Variants in NUFIP1 observed in about 807,000 individuals in gnomAD.
NUFIP1 encodes the protein FMR1-interacting protein NUFIP1.
In NUFIP1, 38 loss-of-function variants were observed where a neutral mutation model predicts 56.2. The ratio of observed to expected loss-of-function variants is 0.68; its 90% CI spans 0.52 to 0.89. The LOEUF (loss-of-function observed/expected upper bound fraction) is 0.89. NUFIP1 is among the 40% of genes least tolerant of loss of function. The pLI, the probability that NUFIP1 is intolerant of heterozygous loss-of-function variation, is 0.00. For synonymous variants in NUFIP1, 215 were observed against 212.4 expected (o/e 1.01, Z -0.10); for missense variants, 567 against 605.8 (o/e 0.94, Z 0.67).
chr13:44,948,600 A>G (rs1340923611), intron 8 of NUFIP1, among the ~76,000 whole-genome samples: 1 of 152,202 alleles, frequency 6.6e-6, no homozygotes, highest in Non-Finnish European at 1.5e-5. Context: ...ATGACCACAC[A>G]GAGCCAGGTG....
intron 8 of NUFIP1, among the ~76,000 whole-genome samples, chr13:44,944,718 G>A (rs552819139): frequency 6.6e-6 from 1 of 152,160 alleles, no homozygotes; most frequent in Middle Eastern, 3.4e-3. Flanking sequence ...TTCTCTGACT[G>A]TAGCAGAATT....
At chr13:44,986,334 G>A (rs1872390237) in intron 1 of NUFIP1, among the ~76,000 whole-genome samples, 1 of 152,270 alleles carries the variant, frequency 6.6e-6, no homozygotes, top group African/African-American at 2.4e-5. Context: ...CGATTTTGAG[G>A]AATTCAAGAC....
At chr13:44,983,972 G>T (rs1269962258) in intron 1 of NUFIP1, among the ~76,000 whole-genome samples, 4 of 152,066 alleles carry the variant, frequency 2.6e-5, no homozygotes, top group Admixed American at 2.0e-4. Flanking sequence ...TACCCAACAG[G>T]TCATACTCTG....
rs1323011619 is a variant in NUFIP1, at chr13:44,939,451, A to C, written c.*1755T>G. On this transcript the variant is annotated 3_prime_UTR_variant, in exon 10 of 10. Coordinates refer to ENST00000379161, the MANE Select transcript of NUFIP1 (RefSeq NM_012345.3). ...TAAACGAACAATAAGATAGGAATGT[A>C]GAAGGCAGAAAGTTTGAACAATTAA... 2.0e-5 allele frequency: 3 copies of C among 152,232 alleles called. No individual in the cohort carries two copies. Among genetic ancestry groups the C allele is most frequent in the Non-Finnish European group, 2.9e-5 (2 of 68,028 alleles). The allele number at this position is 152,232 out of a possible 1,614,324, so 9.4% of individuals were successfully genotyped here.
At chr13:44,951,208 G>A (rs1871075038) in intron 7 of NUFIP1, among the ~76,000 whole-genome samples, 2 of 152,192 alleles carry the variant, frequency 1.3e-5, no homozygotes, top group South Asian at 4.1e-4. Flanking sequence ...CCACCACAGT[G>A]TTAGTATGGA....
chr13:44,976,804 G>C (rs1303729791), intron 5 of NUFIP1, among the ~76,000 whole-genome samples: 1 of 152,188 alleles, frequency 6.6e-6, no homozygotes. Context: ...GCCCAAGGCA[G>C]CAGAGGGGCA....
intron 1 of NUFIP1, among the ~76,000 whole-genome samples, 180 bp from the exon 2 acceptor site, chr13:44,982,334 T>C (rs923466389): frequency 1.3e-5 from 2 of 152,172 alleles, no homozygotes; most frequent in Admixed American, 1.3e-4. Flanking sequence ...CAAATGACTA[T>C]TTTTCAAACA....
rs1050202703 is a variant in NUFIP1, at chr13:44,949,918, G to C, written c.1022-80C>G. 27 of 873,894 alleles carry C rather than the reference G, an allele frequency of 3.1e-5. No homozygotes were observed. In the Middle Eastern group the frequency reaches 6.4e-4, roughly 21 times the overall value. The allele number at this position is 873,894 out of a possible 1,614,324, so 54.1% of individuals were successfully genotyped here. On this transcript the variant is annotated intron_variant, in intron 7 of 9. Transcript: ENST00000379161. ...ATCCCCCATTCCCTCATTTGTTAGT[G>C]AAAATTAAGTAATTTCTGATCATTT...
chr13:44,980,501 G>A (rs1316983384), intron 3 of NUFIP1, among the ~76,000 whole-genome samples: 1 of 152,198 alleles, frequency 6.6e-6, no homozygotes, highest in African/African-American at 2.4e-5. Flanking sequence ...ACAAAAAGCT[G>A]TCAGAGCTCC....
rs1156544062 is a variant in NUFIP1, at chr13:44,982,167, AG to A, written c.413-14del. The A allele has an allele frequency of 3.2e-6, 4 of 1,242,684 alleles. No homozygotes were observed. The highest frequency in any genetic ancestry group is 1.8e-5 in the South Asian group (1 of 56,600). The allele number at this position is 1,242,684 out of a possible 1,614,324, so 77.0% of individuals were successfully genotyped here. On this transcript the variant is annotated splice_polypyrimidine_tract_variant and intron_variant, in intron 1 of 9. Transcript: ENST00000379161. The stretch of plus-strand genomic sequence containing the variant: ...TAAGAATTTTTAACTAAAAAAAAAA[AG>A]ATCCATAAATGTTTGCAACAATGTA...
chr13:44,967,066 A>C (rs367687467), intron 5 of NUFIP1, among the ~76,000 whole-genome samples: 1 of 152,192 alleles, frequency 6.6e-6, no homozygotes, highest in East Asian at 1.9e-4. Flanking sequence ...TGATAACATA[A>C]GACAAAAGTA....
At chr13:44,980,874 T>C (rs1872165668) in intron 2 of NUFIP1, 54 bp from the exon 3 acceptor site, 11 of 1,142,864 alleles carry the variant, frequency 9.6e-6, no homozygotes, top group Non-Finnish European at 1.4e-5. Flanking sequence ...CTGTAATCAA[T>C]AATAAAAACA....
At chr13:44,958,342 G>A (rs1200902408) in intron 7 of NUFIP1, among the ~76,000 whole-genome samples, 3 of 152,044 alleles carry the variant, frequency 2.0e-5, no homozygotes, top group South Asian at 4.1e-4. Flanking sequence ...TAACAGTAAC[G>A]GTATATGTGT....
At position 44,979,269 on chromosome 13, in the gene NUFIP1, A is replaced by AG. The variant is rs758280256; in HGVS notation, c.658-4dup. The stretch of plus-strand genomic sequence containing the variant: ...TTCTTCATGCCAGGAGCATGCATCT[A>AG]GGGGGAAAAAGCCTGCTGAACATCA... On this transcript the variant is annotated splice_region_variant and splice_polypyrimidine_tract_variant and intron_variant, in intron 4 of 9. Transcript: ENST00000379161. 2 of 1,610,262 alleles carry AG rather than the reference A, an allele frequency of 1.2e-6. No homozygotes were observed. Among genetic ancestry groups the AG allele is most frequent in the Admixed American group, 1.7e-5 (1 of 58,884 alleles).
At chr13:44,970,417 T>G (rs982117573) in intron 5 of NUFIP1, among the ~76,000 whole-genome samples, 1 of 152,244 alleles carries the variant, frequency 6.6e-6, no homozygotes, top group Non-Finnish European at 1.5e-5. Context: ...GCTTTAAAAT[T>G]CTTACTCTGT....
intron 1 of NUFIP1, among the ~76,000 whole-genome samples, chr13:44,985,559 G>T (rs1872354101): frequency 6.6e-6 from 1 of 152,152 alleles, no homozygotes; most frequent in South Asian, 2.1e-4. Flanking sequence ...ACATTTTGGT[G>T]ATTCTCGAAA....
intron 5 of NUFIP1, among the ~76,000 whole-genome samples, chr13:44,977,380 C>T (rs1005679191): frequency 2.0e-5 from 3 of 152,242 alleles, no homozygotes; most frequent in Admixed American, 6.5e-5. Context: ...AATCCACACA[C>T]ACCAGAGTAG....
chr13:44,945,332 C>T (rs990459783), intron 8 of NUFIP1, among the ~76,000 whole-genome samples: 1 of 151,856 alleles, frequency 6.6e-6, no homozygotes, highest in African/African-American at 2.4e-5. Flanking sequence ...TATGAATAGT[C>T]CTGGACCTAT....
At chr13:44,974,955 T>A (rs994403632) in intron 5 of NUFIP1, among the ~76,000 whole-genome samples, 9 of 152,238 alleles carry the variant, frequency 5.9e-5, no homozygotes, top group Non-Finnish European at 1.3e-4. Context: ...GGAATCCTCA[T>A]CAAGGAGGCC....
Sources: gnomAD v4.1 joint callset for allele counts (sites outside exome capture counted in the v4.1 genomes callset) on GRCh38, gnomAD v4.1.1 for gene constraint, MANE v1.5 for transcripts, NCBI Gene and HGNC (gene_info 2026-07-23, HGNC 2026-07-21) for gene names.